The following KCNJ3 variants were observed in gnomAD, a reference collection of about 807,000 sequenced individuals.
The protein encoded by KCNJ3 is potassium inwardly rectifying channel subfamily J member 3, also known as G protein-activated inward rectifier potassium channel 1.
Under a neutral mutation model 39.2 loss-of-function variants are expected in KCNJ3, and 4 were observed. The observed-to-expected ratio is 0.10, with a 90% CI of 0.05 to 0.23. The LOEUF (loss-of-function observed/expected upper bound fraction) is 0.23. Ranked by LOEUF, KCNJ3 falls within the 10% of genes least tolerant of loss-of-function variation. KCNJ3 has a pLI of 1.00. For synonymous variants in KCNJ3, 230 were observed against 237.4 expected (o/e 0.97, Z 0.29); for missense variants, 276 against 634.9 (o/e 0.43, Z 6.08).
At chr2:154,722,869 A>G (rs2105161072) in intron 2 of KCNJ3, among the ~76,000 whole-genome samples, 1 of 152,284 alleles carries the variant, frequency 6.6e-6, no homozygotes, top group East Asian at 1.9e-4. Flanking sequence ...GGTATAGGGG[A>G]AGACTTGAAA....
At chr2:154,760,735 C>CTTTTTTTTTTTTTT (rs887796000) in intron 2 of KCNJ3, among the ~76,000 whole-genome samples, 1 of 127,752 alleles carries the variant, frequency 7.8e-6, no homozygotes. Context: ...TCTTTTTTTT[C>CTTTTTTTTTTTTTT]TTTTTTTTTT....
chr2:154,819,656 G>A (rs1687137668), intron 2 of KCNJ3, among the ~76,000 whole-genome samples: 2 of 151,808 alleles, frequency 1.3e-5, no homozygotes. Flanking sequence ...TCAGCCTCCT[G>A]AGTAGCTGGG....
chr2:154,750,842 T>A (rs1685829833), intron 2 of KCNJ3, among the ~76,000 whole-genome samples: 2 of 152,078 alleles, frequency 1.3e-5, no homozygotes, highest in African/African-American at 4.8e-5. Flanking sequence ...TATTTATATT[T>A]TCTAGTCAAA....
In KCNJ3 at chr2:154,809,684, C is replaced by T. The variant is rs145549636; in HGVS notation, c.920-45043C>T. Among the ~76,000 whole-genome samples the T allele has an allele frequency of 5.3e-4, 80 of 152,204 alleles. 1 individual carries two copies. Among genetic ancestry groups the T allele is most frequent in the East Asian group, 7.7e-4 (4 of 5,164 alleles). The stretch of plus-strand genomic sequence containing the variant: ...GTGAACTTGAAACAAAAACTTAAAG[C>T]AGTCTTGGTCATGTACTCATATAGA... On this transcript the variant is annotated intron_variant, in intron 2 of 2. Transcript: ENST00000295101.
intron 1 of KCNJ3, among the ~76,000 whole-genome samples, chr2:154,700,368 G>A (rs1684867112): frequency 6.6e-6 from 1 of 152,180 alleles, no homozygotes; most frequent in Non-Finnish European, 1.5e-5. Flanking sequence ...AACAAGAGAA[G>A]TCCTTCTTAA....
At chr2:154,823,404 T>C (rs1370994159) in intron 2 of KCNJ3, among the ~76,000 whole-genome samples, 1 of 74,006 alleles carries the variant, frequency 1.4e-5, no homozygotes, top group East Asian at 6.5e-4. Context: ...ACTTTCCACA[T>C]TCTTTTTTTT....
chr2:154,778,783 C>A (rs1358190177), intron 2 of KCNJ3, among the ~76,000 whole-genome samples: 1 of 151,590 alleles, frequency 6.6e-6, no homozygotes, highest in Non-Finnish European at 1.5e-5. Flanking sequence ...TTTTCTATTC[C>A]TTTCCTGTGG....
At chr2:154,773,198 T>C (rs1262705123) in intron 2 of KCNJ3, among the ~76,000 whole-genome samples, 1 of 152,160 alleles carries the variant, frequency 6.6e-6, no homozygotes, top group African/African-American at 2.4e-5. Flanking sequence ...TTAATGCATT[T>C]AGTCTCTGCT....
At chr2:154,703,586 A>G (rs1276751087) in intron 1 of KCNJ3, among the ~76,000 whole-genome samples, 1 of 151,900 alleles carries the variant, frequency 6.6e-6, no homozygotes, top group African/African-American at 2.4e-5. Flanking sequence ...TCAAGTGCAG[A>G]TGCAATAAAA....
At chr2:154,785,609 T>C (rs1205329574) in intron 2 of KCNJ3, among the ~76,000 whole-genome samples, 1 of 152,162 alleles carries the variant, frequency 6.6e-6, no homozygotes, top group East Asian at 1.9e-4. Context: ...GTGATGCCTT[T>C]TGCTAATGTG....
chr2:154,770,508 T>G (rs942813442), intron 2 of KCNJ3, among the ~76,000 whole-genome samples: 7 of 152,166 alleles, frequency 4.6e-5, no homozygotes, highest in Admixed American at 2.6e-4. Context: ...TATATTATTG[T>G]GTAGTATCTT....
chr2:154,810,523 TTAAAA>T (rs1326224981), intron 2 of KCNJ3, among the ~76,000 whole-genome samples: 1 of 152,018 alleles, frequency 6.6e-6, no homozygotes, highest in East Asian at 1.9e-4. Context: ...GATCCAATAC[TTAAAA>T]TAATACTATT....
chr2:154,828,003 A>G (rs1331035856), intron 2 of KCNJ3, among the ~76,000 whole-genome samples: 1 of 152,184 alleles, frequency 6.6e-6, no homozygotes, highest in Non-Finnish European at 1.5e-5. Flanking sequence ...AGATGAAAGA[A>G]CACATAATTT....
intron 2 of KCNJ3, among the ~76,000 whole-genome samples, chr2:154,762,339 AAG>A (rs1686060596): frequency 6.6e-6 from 1 of 152,190 alleles, no homozygotes; most frequent in Non-Finnish European, 1.5e-5. Flanking sequence ...TCATAGTGTG[AAG>A]AGTTTGTTGG....
intron 2 of KCNJ3, among the ~76,000 whole-genome samples, chr2:154,761,597 A>G (rs1686047695): frequency 6.6e-6 from 1 of 152,160 alleles, no homozygotes; most frequent in South Asian, 2.1e-4. Context: ...ATTACATCTT[A>G]TTTTATTATG....
intron 2 of KCNJ3, among the ~76,000 whole-genome samples, chr2:154,824,484 G>A (rs934371952): frequency 8.5e-5 from 13 of 152,088 alleles, no homozygotes; most frequent in African/African-American, 3.1e-4. Flanking sequence ...CGGTTTGGGT[G>A]CCTAAAATAT....
At chr2:154,816,852 A>G (rs1687090504) in intron 2 of KCNJ3, among the ~76,000 whole-genome samples, 1 of 152,210 alleles carries the variant, frequency 6.6e-6, no homozygotes, top group African/African-American at 2.4e-5. Flanking sequence ...TGTAAAGTGT[A>G]TGGATGTAAA....
intron 2 of KCNJ3, among the ~76,000 whole-genome samples, chr2:154,804,882 C>T (rs1403042364): frequency 6.6e-6 from 1 of 152,088 alleles, no homozygotes; most frequent in Non-Finnish European, 1.5e-5. Context: ...TACACATTAT[C>T]AGTTTTTTAT....
chr2:154,855,379 T>A lies in KCNJ3; in HGVS notation c.*66T>A. On this transcript the variant is annotated 3_prime_UTR_variant, in exon 3 of 3. Coordinates refer to ENST00000295101, the MANE Select transcript of KCNJ3 (RefSeq NM_002239.4). ...AATAGTCCAATATTTGGCGATGAGG[T>A]AATTCTCCCTAAGGAATCTGAAAGT... The A allele has an allele frequency of 9.6e-7, 1 of 1,038,456 alleles. No individual in the cohort carries two copies. Among genetic ancestry groups the A allele is most frequent in the Non-Finnish European group, 1.4e-6 (1 of 718,916 alleles). 64.3% of individuals were successfully genotyped at this position (1,038,456 alleles called of 1,614,324 possible). A position where few individuals can be genotyped will look rare whatever the true frequency, so the allele number is the denominator to read the frequency against.
Sources: gnomAD v4.1 joint callset for allele counts (sites outside exome capture counted in the v4.1 genomes callset) on GRCh38, gnomAD v4.1.1 for gene constraint, MANE v1.5 for transcripts, NCBI Gene and HGNC (gene_info 2026-07-23, HGNC 2026-07-21) for gene names.